The following HELZ variants were observed in gnomAD, a reference collection of about 807,000 sequenced individuals.
The protein encoded by HELZ is ATP-dependent RNA helicase with zinc finger domain.
HELZ carries 23 observed loss-of-function variants against 218.2 expected under a neutral mutation model. That is an observed-to-expected ratio of 0.11 (90% CI 0.08 to 0.15). HELZ has a LOEUF of 0.15. HELZ is among the 10% of genes least tolerant of loss of function. HELZ has a pLI of 1.00. For synonymous variants in HELZ, 814 were observed against 829.4 expected (o/e 0.98, Z 0.32); for missense variants, 1,813 against 2,353.7 (o/e 0.77, Z 4.75).
intron 3 of HELZ, among the ~76,000 whole-genome samples, chr17:67,226,944 T>A (rs1177193643): frequency 6.6e-6 from 1 of 152,082 alleles, no homozygotes; most frequent in Non-Finnish European, 1.5e-5. Context: ...TATAAAACTA[T>A]AAAAATGAAG....
chr17:67,154,248 C>T (rs1232314857), intron 17 of HELZ, among the ~76,000 whole-genome samples: 1 of 152,068 alleles, frequency 6.6e-6, no homozygotes, highest in Non-Finnish European at 1.5e-5. Flanking sequence ...GCCAACATGG[C>T]AAAACCCCGT....
chr17:67,129,529 T>C lies in HELZ; in HGVS notation c.3183-674A>G, dbSNP rs562459232. ...TGAGTCACAAAGTACATAATCCTCATGAGGATTCTTAAGAAATAACCAGCT... is the reference window on the plus strand; with the variant it reads ...TGAGTCACAAAGTACATAATCCTCACGAGGATTCTTAAGAAATAACCAGCT... On this transcript the variant is annotated intron_variant, in intron 23 of 32. Coordinates refer to ENST00000358691, the MANE Select transcript of HELZ (RefSeq NM_014877.4). Among the ~76,000 whole-genome samples, 31 of 152,202 alleles carry C rather than the reference T, an allele frequency of 2.0e-4. 2 individuals carry two copies. The East Asian group carries it at 5.8e-3, about 28-fold the overall frequency.
chr17:67,113,645 A>G (rs1464873804), intron 28 of HELZ, among the ~76,000 whole-genome samples: 1 of 152,198 alleles, frequency 6.6e-6, no homozygotes, highest in Non-Finnish European at 1.5e-5. Flanking sequence ...GCTAAATTTA[A>G]GGTTACAAAT....
chr17:67,147,942 C>A (rs2038556044), intron 20 of HELZ, among the ~76,000 whole-genome samples: 1 of 152,268 alleles, frequency 6.6e-6, no homozygotes, highest in Non-Finnish European at 1.5e-5. Flanking sequence ...TTCTCCCATA[C>A]CATGCCCTAG....
At chr17:67,088,965 A>G (rs915036323) in intron 31 of HELZ, among the ~76,000 whole-genome samples, 1 of 152,190 alleles carries the variant, frequency 6.6e-6, no homozygotes, top group Non-Finnish European at 1.5e-5. Flanking sequence ...CCTGGATCAC[A>G]ATGGCTGCGC....
intron 22 of HELZ, 61 bp downstream of exon 22, chr17:67,137,870 A>G (rs2038201241): frequency 3.2e-6 from 4 of 1,246,664 alleles, no homozygotes; most frequent in African/African-American, 3.0e-5. Flanking sequence ...TAAAAATCCA[A>G]TGTGAACACA....
At chr17:67,189,834 T>C in intron 10 of HELZ, 138 bp from the exon 11 acceptor site, 1 of 629,008 alleles carries the variant, frequency 1.6e-6, no homozygotes, top group Non-Finnish European at 2.8e-6. Flanking sequence ...ACCTTCATTT[T>C]CAGTAATTTT....
At chr17:67,235,856 G>C (rs1411811911) in intron 3 of HELZ, among the ~76,000 whole-genome samples, 3 of 149,846 alleles carry the variant, frequency 2.0e-5, no homozygotes, top group Non-Finnish European at 3.0e-5. Context: ...CACCTCCCGG[G>C]TTCACACCAT....
intron 6 of HELZ, 59 bp downstream of exon 6, chr17:67,203,260 C>T: frequency 6.4e-7 from 1 of 1,567,998 alleles, no homozygotes; most frequent in Non-Finnish European, 8.7e-7. Context: ...CACAATATAC[C>T]TAAGGAATCA....
chr17:67,240,928 C>T (rs916052102), intron 2 of HELZ, among the ~76,000 whole-genome samples: 2 of 152,180 alleles, frequency 1.3e-5, no homozygotes, highest in African/African-American at 4.8e-5. Context: ...AAATAAAATT[C>T]TTCCTGTTAC....
In HELZ at chr17:67,190,174, A is replaced by G; in HGVS notation, c.739T>C (p.Leu247=). ...ETLIEKWMNS[L]SPEKVLSECI... The stretch of plus-strand genomic sequence containing the variant: ...TTCCTCACCACTTTCTCAGGAGACA[A>G]TGAATTCATCCACTTTTCTATCAAG... Residue 247 remains leucine, a synonymous_variant, in exon 10 of 33, where the codon TTG becomes CTG. Coordinates refer to ENST00000358691, the MANE Select transcript of HELZ (RefSeq NM_014877.4). 1.9e-6 allele frequency: 3 copies of G among 1,613,032 alleles called. No homozygotes were observed. The highest frequency in any genetic ancestry group is 2.5e-6 in the Non-Finnish European group (3 of 1,178,978).
intron 19 of HELZ, 41 bp downstream of exon 19, chr17:67,149,820 ATATAAT>A (rs1231425863): frequency 9.4e-7 from 1 of 1,068,024 alleles, no homozygotes; most frequent in Non-Finnish European, 1.4e-6. Flanking sequence ...AAACATCAAA[ATATAAT>A]TAAAAGTTAC....
chr17:67,086,891 G>T lies in HELZ; in HGVS notation c.5432C>A (p.Thr1811Asn). Residue 1811 changes from threonine to asparagine, a missense_variant, in exon 32 of 33, where the codon ACT (threonine) becomes AAT (asparagine). Around this residue, in one of 4 missense-constraint regions of HELZ, gnomAD observed 938 missense variants for 1,027.5 expected, o/e 0.91. Transcript: ENST00000358691. ...PESWVNTTSS[T>N]PYQNIPCNGS... is the part of the protein sequence containing the mutation. ...ATTGCACGGAATGTTCTGATAAGGA[G>T]TAGATGAGGTGGTGTTTACCCAGGA... 4 of 1,613,612 alleles carry T rather than the reference G, an allele frequency of 2.5e-6. No individual in the cohort carries two copies. The highest frequency in any genetic ancestry group is 3.4e-6 in the Non-Finnish European group (4 of 1,179,950).
rs2143744992 is a variant in HELZ at position 67,108,270 on chromosome 17, A to G, written c.4724+222T>C. Among the ~76,000 whole-genome samples, 1 of 152,338 alleles carries G rather than the reference A, an allele frequency of 6.6e-6. No individual in the cohort carries two copies. The highest frequency in any genetic ancestry group is 1.9e-4 in the East Asian group (1 of 5,184). On this transcript the variant is annotated intron_variant, in intron 30 of 32. Coordinates refer to ENST00000358691, the MANE Select transcript of HELZ (RefSeq NM_014877.4). The surrounding 1 kb of genome is among the most constrained non-coding windows in gnomAD (Gnocchi z 4.1). The stretch of plus-strand genomic sequence containing the variant: ...AAGTAAGGGAACAAGTTAATTTCCA[A>G]CCCATAGTAGATCATCCATGCCTAA...
chr17:67,103,516 C>T (rs1009544643), intron 31 of HELZ, among the ~76,000 whole-genome samples: 4 of 152,070 alleles, frequency 2.6e-5, no homozygotes, highest in African/African-American at 9.7e-5. Context: ...GAATAAAATG[C>T]TTAGGAATAA....
At chr17:67,212,573 C>G (rs2040486393) in intron 5 of HELZ, among the ~76,000 whole-genome samples, 1 of 152,088 alleles carries the variant, frequency 6.6e-6, no homozygotes, top group Non-Finnish European at 1.5e-5. Flanking sequence ...TCTACAACTA[C>G]TAATATACAT....
chr17:67,178,695 T>C lies in HELZ; in HGVS notation c.1394A>G (p.Tyr465Cys). Residue 465 changes from tyrosine to cysteine, a missense_variant, in exon 13 of 33, where the codon TAT (tyrosine) becomes TGT (cysteine). This residue lies in a region of HELZ where 714 missense variants were observed against 1,029.2 expected (regional missense o/e 0.69). Coordinates refer to ENST00000358691, the MANE Select transcript of HELZ (RefSeq NM_014877.4). ...TTTATACTGGGCTATCTCCTCAATA[T>C]AAAGAAGGTCATGTAACCGTGACTG... The part of the protein sequence containing the change: ...NYQSRLHDLL[Y>C]IEEIAQYKEI... 1 of 1,613,830 alleles carries C rather than the reference T, an allele frequency of 6.2e-7. No homozygotes were observed. Among genetic ancestry groups the C allele is most frequent in the East Asian group, 2.2e-5 (1 of 44,856 alleles).
At chr17:67,138,240 A>C (rs1337649587) in intron 21 of HELZ, 126 bp from the exon 22 acceptor site, 19 of 656,128 alleles carry the variant, frequency 2.9e-5, no homozygotes, top group Non-Finnish European at 1.6e-5. Flanking sequence ...AAAAAAAAAA[A>C]CTACCCCTAA....
At chr17:67,100,411 AG>A (rs1258150554) in intron 31 of HELZ, among the ~76,000 whole-genome samples, 17 of 152,232 alleles carry the variant, frequency 1.1e-4, no homozygotes, top group Admixed American at 1.1e-3. Flanking sequence ...GTGACTTACT[AG>A]CATTCCATTT....
Sources: gnomAD v4.1 joint callset for allele counts (sites outside exome capture counted in the v4.1 genomes callset) on GRCh38, gnomAD v4.1.1 for gene constraint, gnomAD v4.1.1 regional missense constraint, Gnocchi (gnomAD v3.1) non-coding constraint, MANE v1.5 for transcripts, NCBI Gene and HGNC (gene_info 2026-07-23, HGNC 2026-07-21) for gene names.